The following PDE11A variants were observed in gnomAD, a reference collection of about 807,000 sequenced individuals.
The protein encoded by PDE11A is phosphodiesterase 11A, also known as dual 3',5'-cyclic-AMP and -GMP phosphodiesterase 11A.
PDE11A carries 100 observed loss-of-function variants against 100.5 expected under a neutral mutation model. That is an observed-to-expected ratio of 1.00 (90% CI 0.85 to 1.18). PDE11A has a LOEUF of 1.18. Ranked by LOEUF, PDE11A falls within the 50% of genes most tolerant of loss-of-function variation. PDE11A has a pLI of 0.00. For missense variants in PDE11A, 1,141 were observed against 1,152.6 expected (o/e 0.99, Z 0.15); for synonymous variants, 381 against 420.8 (o/e 0.91, Z 1.16).
intron 9 of PDE11A, among the ~76,000 whole-genome samples, chr2:177,808,393 T>A (rs1474871819): frequency 6.6e-6 from 1 of 152,160 alleles, no homozygotes; most frequent in African/African-American, 2.4e-5. Flanking sequence ...GATAAAAGGA[T>A]GTTTAAGTGG....
Position 177,886,955 on chromosome 2 carries a change from A to ATC in PDE11A, c.1303-11033_1303-11032insGA. ...AGGCCTGCTGAACTCCAAGTCCAGA[A>ATC]ACAGGCTGGCAGTGATGGTCGGAAT... On this transcript the variant is annotated intron_variant, in intron 4 of 19. Coordinates refer to ENST00000286063, the MANE Select transcript of PDE11A (RefSeq NM_016953.4). Among the ~76,000 whole-genome samples, 2 of 152,204 alleles carry ATC rather than the reference A, an allele frequency of 1.3e-5. 1 individual carries two copies. The highest frequency in any genetic ancestry group is 4.1e-4 in the South Asian group (2 of 4,830).
chr2:177,753,673 C>G lies in PDE11A; in HGVS notation c.1788+15650G>C, dbSNP rs1339632192. 2.6e-5 allele frequency among the ~76,000 whole-genome samples: 4 copies of G among 151,752 alleles called. No individual in the cohort carries two copies. In the Admixed American group the frequency reaches 2.6e-4, roughly 10 times the overall value. ...ACCCACCCTATATGGCATGTTAGTC[C>G]TAGCAGAGAGAGGCTTGCTTCCACA... On this transcript the variant is annotated intron_variant, in intron 10 of 19. Coordinates refer to ENST00000286063, the MANE Select transcript of PDE11A (RefSeq NM_016953.4).
intron 19 of PDE11A, among the ~76,000 whole-genome samples, chr2:177,640,389 TCTCTGCTCAGA>T (rs1008227361): frequency 1.3e-5 from 2 of 152,204 alleles, no homozygotes; most frequent in Non-Finnish European, 2.9e-5. Flanking sequence ...ACTGTTATCA[TCTCTGCTCAGA>T]TTCTTCAGCA....
intron 15 of PDE11A, among the ~76,000 whole-genome samples, chr2:177,685,749 T>C (rs112975202): frequency 0.05 from 7,629 of 152,110 alleles, 336 homozygotes; most frequent in African/African-American, 0.12. Context: ...GTATTTTTAG[T>C]AGAGATGGGG....
At chr2:177,715,570 T>C (rs1025205391) in intron 12 of PDE11A, among the ~76,000 whole-genome samples, 12 of 152,064 alleles carry the variant, frequency 7.9e-5, no homozygotes, top group African/African-American at 2.7e-4. Flanking sequence ...ACTGATTTTC[T>C]TATCTCCTCT....
chr2:177,916,254 G>T (rs986422110), intron 2 of PDE11A, among the ~76,000 whole-genome samples: 1 of 152,146 alleles, frequency 6.6e-6, no homozygotes, highest in Non-Finnish European at 1.5e-5. Flanking sequence ...AAAGTGGGTT[G>T]GCTATGCAGG....
At chr2:177,886,975 C>T (rs776969156) in intron 4 of PDE11A, among the ~76,000 whole-genome samples, 1 of 152,148 alleles carries the variant, frequency 6.6e-6, no homozygotes, top group African/African-American at 2.4e-5. Flanking sequence ...CAGTGATGGT[C>T]GGAATTTCAG....
intron 2 of PDE11A, among the ~76,000 whole-genome samples, chr2:177,918,556 A>C (rs1293690638): frequency 6.6e-6 from 1 of 152,226 alleles, no homozygotes; most frequent in Non-Finnish European, 1.5e-5. Context: ...GGGAAAAGCA[A>C]TAAGGCAAAT....
At chr2:177,970,577 T>A (rs1164603862) in intron 2 of PDE11A, among the ~76,000 whole-genome samples, 1 of 151,918 alleles carries the variant, frequency 6.6e-6, no homozygotes, top group African/African-American at 2.4e-5. Context: ...TCAGGGTATG[T>A]AGCATTTGAG....
intron 12 of PDE11A, 36 bp downstream of exon 12, chr2:177,727,622 G>T: frequency 8.4e-7 from 1 of 1,188,950 alleles, no homozygotes; most frequent in South Asian, 1.2e-5. Flanking sequence ...TCCTACGAAT[G>T]AGAAATGATC....
intron 2 of PDE11A, among the ~76,000 whole-genome samples, chr2:177,993,375 A>T (rs989413131): frequency 5.8e-5 from 8 of 137,994 alleles, no homozygotes; most frequent in African/African-American, 2.1e-4. Flanking sequence ...CTTCTTTTTA[A>T]AAAAAAAATG....
At chr2:178,026,470 G>C (rs1360127300) in intron 1 of PDE11A, among the ~76,000 whole-genome samples, 1 of 152,016 alleles carries the variant, frequency 6.6e-6, no homozygotes, top group Non-Finnish European at 1.5e-5. Flanking sequence ...AGACCAGCCT[G>C]GCCAACATGG....
chr2:177,962,503 G>C (rs1020655288), intron 2 of PDE11A, among the ~76,000 whole-genome samples: 4 of 152,072 alleles, frequency 2.6e-5, no homozygotes. Context: ...AATAGTAACA[G>C]TGTTAATCAC....
intron 9 of PDE11A, among the ~76,000 whole-genome samples, chr2:177,788,813 C>G (rs1443286663): frequency 6.6e-6 from 1 of 152,152 alleles, no homozygotes; most frequent in African/African-American, 2.4e-5. Flanking sequence ...TTCCTCGACA[C>G]ATACACTCTC....
intron 1 of PDE11A, among the ~76,000 whole-genome samples, chr2:178,062,465 G>C (rs913879228): frequency 4.6e-5 from 7 of 152,088 alleles, no homozygotes; most frequent in African/African-American, 1.7e-4. Flanking sequence ...TAGCCATAAA[G>C]GTGGCCATTA....
At chr2:177,684,846 C>T (rs770204314) in intron 15 of PDE11A, among the ~76,000 whole-genome samples, 5 of 152,204 alleles carry the variant, frequency 3.3e-5, no homozygotes, top group Admixed American at 1.3e-4. Flanking sequence ...AGCTGGGATA[C>T]AAACACAGTA....
chr2:177,762,712 C>T (rs77250526), intron 10 of PDE11A, among the ~76,000 whole-genome samples: 2,601 of 152,298 alleles, frequency 0.017, 37 homozygotes, highest in South Asian at 0.034. Context: ...CCTCCAGGCC[C>T]GCTCTTCCTC....
chr2:178,063,683 T>A (rs974634866), intron 1 of PDE11A, among the ~76,000 whole-genome samples: 4 of 152,150 alleles, frequency 2.6e-5, no homozygotes, highest in African/African-American at 9.7e-5. Context: ...GAGAATATTG[T>A]CTGGGTGTAT....
chr2:177,740,397 A>T (rs1341716617), intron 10 of PDE11A, among the ~76,000 whole-genome samples: 1 of 152,214 alleles, frequency 6.6e-6, no homozygotes, highest in Non-Finnish European at 1.5e-5. Flanking sequence ...TTTTTTCATC[A>T]TGGTGCATTT....
Sources: allele counts gnomAD v4.1 joint callset (sites outside exome capture counted in the v4.1 genomes callset), GRCh38; gene constraint gnomAD v4.1.1; transcripts MANE v1.5; gene names NCBI Gene and HGNC (gene_info 2026-07-23, HGNC 2026-07-21).